PCDHA1: variants seen among roughly 807,000 people sequenced by gnomAD.
PCDHA1 encodes the protein protocadherin alpha 1.
PCDHA1 carries 42 observed loss-of-function variants against 61.3 expected under a neutral mutation model. The observed-to-expected ratio is 0.69, with a 90% CI of 0.54 to 0.89. PCDHA1 has a LOEUF of 0.89. Among genes scored for constraint, PCDHA1 ranks in the 40% least tolerant of loss-of-function variants. The probability of loss-of-function intolerance (pLI) is 0.00; values close to 1 mark genes in which losing one functional copy is unlikely to be tolerated. For missense variants in PCDHA1, 1,256 were observed against 1,235.3 expected (o/e 1.02, Z -0.25); for synonymous variants, 610 against 553.8 (o/e 1.10, Z -1.43).
chr5:140,967,665 C>T (rs782126222), intron 1 of PCDHA1: 23 of 1,614,036 alleles, frequency 1.4e-5, no homozygotes, highest in East Asian at 2.2e-5. Context: ...AGCAGCTACA[C>T]GTCGGACCGG....
chr5:140,999,922 C>T (rs2097883458), intron 3 of PCDHA1, among the ~76,000 whole-genome samples: 1 of 152,154 alleles, frequency 6.6e-6, no homozygotes, highest in Non-Finnish European at 1.5e-5. Context: ...AATCTTCTTC[C>T]AGCTCAACTC....
In PCDHA1 at chr5:140,787,889, C is replaced by G. The variant is rs997247708; in HGVS notation, c.1599C>G (p.Phe533Leu). ...ACGAGGAGCTGGAGCTGCTGCAGTT[C>G]CAGGTGAGCGCGCGGGATGCGGGCG... ...LDHEELELLQFQVSARDAGVP... is the reference protein window; with the variant it reads ...LDHEELELLQLQVSARDAGVP... Residue 533 changes from phenylalanine (F) to leucine (L), a missense_variant, in exon 1 of 4, where the codon TTC becomes TTG. Physicochemically the swap from Phe to Leu is conservative, Grantham distance 22. Transcript: ENST00000504120. The G allele has an allele frequency of 2.5e-6, 4 of 1,613,294 alleles. No individual in the cohort carries two copies. Among genetic ancestry groups the G allele is most frequent in the Non-Finnish European group, 3.4e-6 (4 of 1,179,820 alleles).
At chr5:140,907,480 CA>C (rs1384591200) in intron 1 of PCDHA1, among the ~76,000 whole-genome samples, 2 of 152,212 alleles carry the variant, frequency 1.3e-5, no homozygotes, top group African/African-American at 4.8e-5. Context: ...GCAGGATAGG[CA>C]AACCCATATC....
chr5:140,970,078 A>G (rs1260486106), intron 1 of PCDHA1, among the ~76,000 whole-genome samples: 2 of 152,124 alleles, frequency 1.3e-5, no homozygotes, highest in African/African-American at 4.8e-5. Context: ...TGAGTGGATT[A>G]GGGGTGTGGG....
rs782706939 is a variant in PCDHA1 at position 140,967,257 on chromosome 5, G to C, written c.2395-11692G>C. ...CAGGTAAGCGAATCGGTGGCGCCTG[G>C]AGCGCGCTTTCACATAGAGAGTGCG... is the stretch of plus-strand genomic sequence containing the variant. On this transcript the variant is annotated intron_variant, in intron 1 of 3. Coordinates refer to ENST00000504120, the MANE Select transcript of PCDHA1 (RefSeq NM_018900.4). 1.9e-6 allele frequency: 3 copies of C among 1,613,486 alleles called. No individual in the cohort carries two copies. The highest frequency in any genetic ancestry group is 1.3e-5 in the African/African-American group (1 of 75,062).
chr5:140,805,435 T>G, intron 1 of PCDHA1: 1 of 1,052,632 alleles, frequency 9.5e-7, no homozygotes, highest in Non-Finnish European at 1.1e-6. Context: ...TTGTTTTGGT[T>G]TTTGTGTGTG....
In PCDHA1 at chr5:140,830,600, A is replaced by G. The variant is rs1227931663; in HGVS notation, c.2394+41916A>G. ...TTTTTAATTAATTTTACAAAATTAC[A>G]TATTTTCATTTTATTGTGTTTCTTA... is the stretch of plus-strand genomic sequence containing the variant. On this transcript the variant is annotated intron_variant, in intron 1 of 3. Coordinates refer to ENST00000504120, the MANE Select transcript of PCDHA1 (RefSeq NM_018900.4). 1.8e-5 allele frequency: 12 copies of G among 670,896 alleles called. 1 individual carries two copies. Among genetic ancestry groups the G allele is most frequent in the East Asian group, 1.4e-4 (4 of 29,586 alleles). The allele number at this position is 670,896 out of a possible 1,614,324, so 41.6% of individuals were successfully genotyped here. A position where few individuals can be genotyped will look rare whatever the true frequency, so the allele number is the denominator to read the frequency against.
intron 2 of PCDHA1, 141 bp downstream of exon 2, chr5:140,979,148 C>G: frequency 6.9e-7 from 1 of 1,441,158 alleles, no homozygotes; most frequent in South Asian, 1.5e-5. Context: ...TTATTTTGTC[C>G]CCATGTTTAT....
At chr5:140,842,727 C>G (rs1554139317) in intron 1 of PCDHA1, 1 of 1,594,926 alleles carries the variant, frequency 6.3e-7, no homozygotes, top group East Asian at 2.2e-5. Context: ...GAGAACAACC[C>G]GCCGGGCTGC....
At chr5:140,832,791 A>G (rs2150204193) in intron 1 of PCDHA1, among the ~76,000 whole-genome samples, 2 of 152,336 alleles carry the variant, frequency 1.3e-5, no homozygotes, top group South Asian at 4.1e-4. Context: ...AAGGTACATC[A>G]TAGTGTTATT....
chr5:140,830,698 C>A, intron 1 of PCDHA1: 1 of 278,556 alleles, frequency 3.6e-6, no homozygotes, highest in Non-Finnish European at 6.4e-6. Flanking sequence ...ATCTGCACCT[C>A]AGAATTTTTG....
intron 1 of PCDHA1, among the ~76,000 whole-genome samples, chr5:140,965,923 G>T (rs1418904178): frequency 1.3e-5 from 2 of 152,232 alleles, no homozygotes; most frequent in African/African-American, 4.8e-5. Context: ...TTTTAGGCTT[G>T]CTCCCGGAAA....
At chr5:140,990,284 T>C (rs2097384646) in intron 3 of PCDHA1, among the ~76,000 whole-genome samples, 1 of 152,142 alleles carries the variant, frequency 6.6e-6, no homozygotes, top group African/African-American at 2.4e-5. Flanking sequence ...GGTCTTGAGA[T>C]TATCGATGCC....
At chr5:140,838,240 A>C (rs181955850) in intron 1 of PCDHA1, among the ~76,000 whole-genome samples, 1 of 150,206 alleles carries the variant, frequency 6.7e-6, no homozygotes, top group Admixed American at 6.6e-5. Context: ...CAGTCTCCCA[A>C]GTAGCTGGGA....
chr5:140,908,844 C>G (rs533219921), intron 1 of PCDHA1, among the ~76,000 whole-genome samples: 1 of 152,156 alleles, frequency 6.6e-6, no homozygotes, highest in Non-Finnish European at 1.5e-5. Flanking sequence ...GCTGGAGTAA[C>G]ATACCCAAAT....
At chr5:140,929,014 C>T (rs1554206582) in intron 1 of PCDHA1, 5 of 1,614,110 alleles carry the variant, frequency 3.1e-6, no homozygotes, top group Non-Finnish European at 4.2e-6. Flanking sequence ...TACCAAGTTG[C>T]ACCAGAGCCC....
rs371212960 is a variant in PCDHA1 at position 140,891,914 on chromosome 5, C to T, written c.2395-87035C>T. ...GCAGCAAGAAGATCTTCACCAGATG[C>T]TGGTGCCTTGATCTTGGACTTCCCC... On this transcript the variant is annotated intron_variant, in intron 1 of 3. Transcript: ENST00000504120. Among the ~76,000 whole-genome samples the T allele has an allele frequency of 2.6e-3, 395 of 152,328 alleles. 2 individuals carry two copies. The highest frequency in any genetic ancestry group is 9.2e-3 in the African/African-American group (384 of 41,572).
At chr5:140,984,471 A>G (rs2153834399) in intron 3 of PCDHA1, among the ~76,000 whole-genome samples, 1 of 152,300 alleles carries the variant, frequency 6.6e-6, no homozygotes, top group Middle Eastern at 3.4e-3. Context: ...CCCCTCTTGT[A>G]TAACCCATTT....
At chr5:140,902,854 C>T (rs186872091) in intron 1 of PCDHA1, among the ~76,000 whole-genome samples, 154 of 152,240 alleles carry the variant, frequency 1.0e-3, no homozygotes, top group Middle Eastern at 3.4e-3. Flanking sequence ...AGAAAAATGG[C>T]GTCCAGGTCC....
Sources: allele counts gnomAD v4.1 joint callset (sites outside exome capture counted in the v4.1 genomes callset), GRCh38; gene constraint gnomAD v4.1.1; transcripts MANE v1.5; gene names NCBI Gene and HGNC (gene_info 2026-07-23, HGNC 2026-07-21).